The following MTHFSD variants were observed in gnomAD, a reference collection of about 807,000 sequenced individuals.
MTHFSD encodes methenyltetrahydrofolate synthetase domain containing.
Under a neutral mutation model 31.1 loss-of-function variants are expected in MTHFSD, and 37 were observed. The ratio of observed to expected loss-of-function variants is 1.19; its 90% CI spans 0.91 to 1.56. The LOEUF is 1.56. Ranked by LOEUF, MTHFSD falls within the 40% of genes most tolerant of loss-of-function variation. MTHFSD has a pLI of 0.00. For synonymous variants in MTHFSD, 221 were observed against 206.9 expected (o/e 1.07, Z -0.59); for missense variants, 664 against 510.1 (o/e 1.30, Z -2.91).
chr16:86,541,810 G>C lies in MTHFSD; in HGVS notation c.568C>G (p.Pro190Ala), dbSNP rs1470765771. Residue 190 changes from proline to alanine, a missense_variant, in exon 7 of 8, where the codon CCT becomes GCT. By Grantham distance (27) the Pro-to-Ala change is conservative. Transcript: ENST00000360900. ...TCGTGCTCCTCAACAAGCTCTTCAG[G>C]GATGTCCACGACCTGGGGGAAGAGA... The part of the protein sequence containing the change: ...IVHDCQVVDI[P>A]EELVEEHDIT... The C allele has an allele frequency of 6.8e-6, 11 of 1,614,006 alleles. No homozygotes were observed. The African/African-American group carries it at 1.3e-4, about 20-fold the overall frequency.
Position 86,554,660 on chromosome 16 carries a change from C to T in MTHFSD, c.108G>A (p.Arg36=). The change falls in exon 2 of 8, where the codon AGG becomes AGA. Residue 36 remains arginine, a synonymous_variant. Coordinates refer to ENST00000360900, the MANE Select transcript of MTHFSD (RefSeq NM_001159377.2). The part of the protein sequence containing the change: ...LADFPRPVHH[R]IPNFKGSYLA... Reference sequence around the variant, plus strand: ...ATGTCAGTACCTTAAAGTTGGGTATCCTGTGATGAACAGGTCGGGGAAAGT... The same window carrying T: ...ATGTCAGTACCTTAAAGTTGGGTATTCTGTGATGAACAGGTCGGGGAAAGT... 2 of 1,613,964 alleles carry T rather than the reference C, an allele frequency of 1.2e-6. No individual in the cohort carries two copies. The highest frequency in any genetic ancestry group is 1.7e-5 in the Admixed American group (1 of 60,020).
At position 86,532,255 on chromosome 16, in the gene MTHFSD, GGGGC is replaced by G; in HGVS notation, c.904_907del (p.Ala302ArgfsTer17). The stretch of plus-strand genomic sequence containing the variant: ...CCCAACGTAAACATCGGCTGCAAGC[GGGGC>G]ACCCTCCCCTGGTGGGGAGCCAGGG... On this transcript the variant is annotated frameshift_variant, in exon 8 of 8. Transcript: ENST00000360900. LOFTEE classifies it low-confidence loss of function (END_TRUNC). 2 of 1,568,806 alleles carry G rather than the reference GGGGC, an allele frequency of 1.3e-6. No homozygotes were observed. Among genetic ancestry groups the G allele is most frequent in the Non-Finnish European group, 1.7e-6 (2 of 1,158,798 alleles).
chr16:86,535,466 G>A (rs996210021), intron 7 of MTHFSD: 116 of 985,284 alleles, frequency 1.2e-4, no homozygotes, highest in Non-Finnish European at 1.3e-4. Flanking sequence ...GCATGGCAGT[G>A]CTACTGTTTC....
Position 86,542,429 on chromosome 16 carries a change from A to G in MTHFSD, c.443-216T>C. 1.8e-6 allele frequency: 1 copy of G among 563,130 alleles called. No homozygotes were observed. The highest frequency in any genetic ancestry group is 1.9e-5 in the African/African-American group (1 of 53,190). 34.9% of individuals were successfully genotyped at this position (563,130 alleles called of 1,614,324 possible). A position where few individuals can be genotyped will look rare whatever the true frequency, so the allele number is the denominator to read the frequency against. ...CAGGAATAACAACACGGCCAATGTCAGGTGGTGAAACTACAATGACGTGAA... is the reference window on the plus strand; with the variant it reads ...CAGGAATAACAACACGGCCAATGTCGGGTGGTGAAACTACAATGACGTGAA... On this transcript the variant is annotated intron_variant, in intron 5 of 7. Coordinates refer to ENST00000360900, the MANE Select transcript of MTHFSD (RefSeq NM_001159377.2). This position sits in a 1 kb window ranked among gnomAD's most constrained non-coding sequence, Gnocchi z 4.6.
Position 86,542,043 on chromosome 16 carries a change from C to A in MTHFSD, c.555+58G>T. 3 of 1,514,606 alleles carry A rather than the reference C, an allele frequency of 2.0e-6. No homozygotes were observed. The highest frequency in any genetic ancestry group is 3.4e-5 in the Admixed American group (2 of 58,972). The allele number at this position is 1,514,606 out of a possible 1,614,324, so 93.8% of individuals were successfully genotyped here. On this transcript the variant is annotated intron_variant, in intron 6 of 7. Coordinates refer to ENST00000360900, the MANE Select transcript of MTHFSD (RefSeq NM_001159377.2). This position sits in a 1 kb window ranked among gnomAD's most constrained non-coding sequence, Gnocchi z 4.6. Reference sequence around the variant, plus strand: ...AAGCAGATGAGTCTCCTTCCCCACCCCCTGCTCCCTCAGAAGAGAATGGCA... The same window carrying A: ...AAGCAGATGAGTCTCCTTCCCCACCACCTGCTCCCTCAGAAGAGAATGGCA...
At chr16:86,534,147 CTCA>C (rs1222980852) in intron 7 of MTHFSD, among the ~76,000 whole-genome samples, 9 of 152,256 alleles carry the variant, frequency 5.9e-5, no homozygotes, top group Admixed American at 3.3e-4. Context: ...AGGAAAACAA[CTCA>C]TGTCTATGCC....
At chr16:86,549,376 T>C (rs1972807004) in intron 3 of MTHFSD, among the ~76,000 whole-genome samples, 1 of 152,234 alleles carries the variant, frequency 6.6e-6, no homozygotes, top group South Asian at 2.1e-4. Flanking sequence ...AATAATAGTA[T>C]ATTTTAGTTT....
At position 86,530,336 on chromosome 16, in the gene MTHFSD, T is replaced by G. The variant is rs1017694441; in HGVS notation, c.*1675A>C. ...AAAGCGACAGGAAATCCCAGCAGTC[T>G]GGCTTCCCCGAGTAACCCTGTACTG... On this transcript the variant is annotated 3_prime_UTR_variant, in exon 8 of 8. Transcript: ENST00000360900. 1 of 152,254 alleles carries G rather than the reference T, an allele frequency of 6.6e-6. No individual in the cohort carries two copies. 9.4% of individuals were successfully genotyped at this position (152,254 alleles called of 1,614,324 possible). A position where few individuals can be genotyped will look rare whatever the true frequency, so the allele number is the denominator to read the frequency against.
At chr16:86,548,099 G>A (rs1032516989) in intron 4 of MTHFSD, 23 of 1,293,338 alleles carry the variant, frequency 1.8e-5, no homozygotes, top group East Asian at 5.5e-5. Flanking sequence ...CTCCCCAGTC[G>A]CTCTGGTGGC....
At chr16:86,534,723 C>T (rs1467053680) in intron 7 of MTHFSD, among the ~76,000 whole-genome samples, 1 of 151,802 alleles carries the variant, frequency 6.6e-6, no homozygotes, top group South Asian at 2.1e-4. Flanking sequence ...TGTGGCTATG[C>T]ATTTATCTGG....
Position 86,554,533 on chromosome 16 carries a change from C to G in MTHFSD, c.123+112G>C, listed in dbSNP as rs919362009. 21 of 871,792 alleles carry G rather than the reference C, an allele frequency of 2.4e-5. No homozygotes were observed. The Admixed American group carries it at 2.7e-4, about 11-fold the overall frequency. The allele number at this position is 871,792 out of a possible 1,614,324, so 54.0% of individuals were successfully genotyped here. On this transcript the variant is annotated intron_variant, in intron 2 of 7. Transcript: ENST00000360900. Reference sequence around the variant, plus strand: ...GGCTTTGATTTCACACCACTGCTCACTGCTCGCCACATTCTCATCCACCAT... The same window carrying G: ...GGCTTTGATTTCACACCACTGCTCAGTGCTCGCCACATTCTCATCCACCAT...
At chr16:86,549,341 T>C (rs1010169611) in intron 3 of MTHFSD, among the ~76,000 whole-genome samples, 2 of 152,262 alleles carry the variant, frequency 1.3e-5, no homozygotes, top group Admixed American at 1.3e-4. Context: ...AAGGCAATCA[T>C]AAGATCTGTG....
At chr16:86,550,168 T>A (rs11646114) in intron 3 of MTHFSD, among the ~76,000 whole-genome samples, 6,414 of 152,318 alleles carry the variant, frequency 0.042, 218 homozygotes, top group Middle Eastern at 0.12. Flanking sequence ...CATCTTTACC[T>A]GCATCCCAGC....
At position 86,552,157 on chromosome 16, in the gene MTHFSD, A is replaced by C. The variant is rs917385310; in HGVS notation, c.124-11T>G. 1 of 1,614,220 alleles carries C rather than the reference A, an allele frequency of 6.2e-7. No individual in the cohort carries two copies. The highest frequency in any genetic ancestry group is 1.3e-5 in the African/African-American group (1 of 75,054). On this transcript the variant is annotated splice_polypyrimidine_tract_variant and intron_variant, in intron 2 of 7. Coordinates refer to ENST00000360900, the MANE Select transcript of MTHFSD (RefSeq NM_001159377.2). ...AGCCAGATAAGACCCCTAGTTAGGCAAATAGACAGAGTTGCACTTACTTCA... is the reference window on the plus strand; with the variant it reads ...AGCCAGATAAGACCCCTAGTTAGGCCAATAGACAGAGTTGCACTTACTTCA...
Position 86,531,248 on chromosome 16 carries a change from G to A in MTHFSD, c.*763C>T, listed in dbSNP as rs1434727492. 2 of 152,200 alleles carry A rather than the reference G, an allele frequency of 1.3e-5. No individual in the cohort carries two copies. Among genetic ancestry groups the A allele is most frequent in the African/African-American group, 2.4e-5 (1 of 41,436 alleles). The allele number at this position is 152,200 out of a possible 1,614,324, so 9.4% of individuals were successfully genotyped here. ...GCTGGTTTTTAGAAACAGAACTGGA[G>A]GAAAAAAACCCAGAAAACATAAGGC... is the stretch of plus-strand genomic sequence containing the variant. On this transcript the variant is annotated 3_prime_UTR_variant, in exon 8 of 8. Coordinates refer to ENST00000360900, the MANE Select transcript of MTHFSD (RefSeq NM_001159377.2). The surrounding 1 kb of genome is among the most constrained non-coding windows in gnomAD (Gnocchi z 5.5).
At position 86,532,232 on chromosome 16, in the gene MTHFSD, C is replaced by T. The variant is rs200853025; in HGVS notation, c.931G>A (p.Gly311Arg). 3.2e-5 allele frequency: 51 copies of T among 1,571,708 alleles called. No homozygotes were observed. The highest frequency in any genetic ancestry group is 7.4e-5 in the Admixed American group (4 of 53,788). Residue 311 changes from glycine (G) to arginine (R), a missense_variant, in exon 8 of 8, where the codon GGG becomes AGG. Physicochemically the swap from Gly to Arg is moderately radical, Grantham distance 125 (BLOSUM62 -2). Coordinates refer to ENST00000360900, the MANE Select transcript of MTHFSD (RefSeq NM_001159377.2). ...ACACGGGCGTCCCCGGGGAGGTTCC[C>T]AACGTAAACATCGGCTGCAAGCGGG... is the stretch of plus-strand genomic sequence containing the variant. ...GAPLAADVYV[G>R]NLPGDARVSD... is the part of the protein sequence containing the mutation.
At position 86,554,737 on chromosome 16, in the gene MTHFSD, G is replaced by C. The variant is rs768927179; in HGVS notation, c.31C>G (p.Gln11Glu). The C allele has an allele frequency of 6.2e-6, 10 of 1,613,580 alleles. No individual in the cohort carries two copies. The highest frequency in any genetic ancestry group is 5.0e-5 in the Admixed American group (3 of 59,988). ...CCCCAAATTTGTTCACGTATGTCCTGTTTGGAGACACCTACTGCAACAAAA... is the reference window on the plus strand; with the variant it reads ...CCCCAAATTTGTTCACGTATGTCCTCTTTGGAGACACCTACTGCAACAAAA... MEPRAVGVSKQDIREQIWGYM... is the reference protein window; with the variant it reads MEPRAVGVSKEDIREQIWGYM... The change falls in exon 2 of 8, where the codon CAG becomes GAG. Residue 11 changes from glutamine to glutamate, a missense_variant. Physicochemically the swap from Gln to Glu is conservative, Grantham distance 29. Transcript: ENST00000360900.
chr16:86,532,425 C>T lies in MTHFSD; in HGVS notation c.738G>A (p.Glu246=), dbSNP rs1362018426. The change falls in exon 8 of 8, where the codon GAG becomes GAA. Residue 246 remains glutamate, a synonymous_variant. Coordinates refer to ENST00000360900, the MANE Select transcript of MTHFSD (RefSeq NM_001159377.2). ...IPILRSLRAR[E]QQAGKDVTLQ... ...GGGTGACATCCTTCCCAGCCTGCTG[C>T]TCTCGGGCGCGGAGGCTCCTCAGTA... 4 of 1,481,684 alleles carry T rather than the reference C, an allele frequency of 2.7e-6. No individual in the cohort carries two copies. The highest frequency in any genetic ancestry group is 2.8e-5 in the South Asian group (2 of 71,572). The allele number at this position is 1,481,684 out of a possible 1,614,324, so 91.8% of individuals were successfully genotyped here.
At chr16:86,538,986 G>A (rs796586237) in intron 7 of MTHFSD, among the ~76,000 whole-genome samples, 6 of 152,270 alleles carry the variant, frequency 3.9e-5, no homozygotes, top group African/African-American at 1.4e-4. Context: ...TAGAAAGGAG[G>A]AGCAAAAGCA....
Sources: gnomAD v4.1 joint callset for allele counts (sites outside exome capture counted in the v4.1 genomes callset) on GRCh38, gnomAD v4.1.1 for gene constraint, Gnocchi (gnomAD v3.1) non-coding constraint, MANE v1.5 for transcripts, NCBI Gene and HGNC (gene_info 2026-07-23, HGNC 2026-07-21) for gene names.